The following RFTN2 variants were observed in gnomAD, a reference collection of about 807,000 sequenced individuals.
RFTN2 encodes the protein raftlin-2.
Under a neutral mutation model 52.7 loss-of-function variants are expected in RFTN2, and 34 were observed. The observed-to-expected ratio is 0.64, with a 90% CI of 0.49 to 0.86. RFTN2 has a LOEUF of 0.86. Among genes scored for constraint, RFTN2 ranks in the 40% least tolerant of loss-of-function variants. The pLI is 0.00. For missense variants in RFTN2, 536 were observed against 600.1 expected, an observed-to-expected ratio of 0.89 and a Z score of 1.12; for synonymous variants, 203 against 217.7, an observed-to-expected ratio of 0.93 and a Z score of 0.59.
At chr2:197,627,647 G>C (rs565719672) in intron 5 of RFTN2, among the ~76,000 whole-genome samples, 51 of 152,306 alleles carry the variant, frequency 3.3e-4, no homozygotes, top group African/African-American at 1.2e-3. Context: ...GTAGCCTTAA[G>C]ATGTGGTATC....
chr2:197,655,367 A>C (rs2106261006), intron 1 of RFTN2, among the ~76,000 whole-genome samples: 1 of 152,280 alleles, frequency 6.6e-6, no homozygotes, highest in East Asian at 1.9e-4. Flanking sequence ...TAAAGTAAGG[A>C]TATTGTCTTA....
intron 1 of RFTN2, among the ~76,000 whole-genome samples, chr2:197,663,599 A>G (rs1411411277): frequency 6.6e-6 from 1 of 152,042 alleles, no homozygotes; most frequent in African/African-American, 2.4e-5. Context: ...TCTAGGTTTT[A>G]CGGTTTGTTA....
chr2:197,597,877 G>A (rs1361537049), intron 7 of RFTN2, among the ~76,000 whole-genome samples: 1 of 152,164 alleles, frequency 6.6e-6, no homozygotes, highest in Non-Finnish European at 1.5e-5. Context: ...AAGAGTGCAT[G>A]AAGAGCCTCC....
intron 5 of RFTN2, among the ~76,000 whole-genome samples, chr2:197,627,859 T>C (rs1464737431): frequency 1.3e-5 from 2 of 151,952 alleles, no homozygotes; most frequent in African/African-American, 4.8e-5. Context: ...GAAAACTTTT[T>C]GAACATCTGT....
At chr2:197,667,554 C>A (rs1180921410) in intron 1 of RFTN2, among the ~76,000 whole-genome samples, 1 of 152,160 alleles carries the variant, frequency 6.6e-6, no homozygotes, top group Admixed American at 6.5e-5. Flanking sequence ...TCTGGTGTAA[C>A]AGCCACTTCT....
intron 8 of RFTN2, among the ~76,000 whole-genome samples, chr2:197,594,925 T>C (rs1429717809): frequency 6.6e-6 from 1 of 152,252 alleles, no homozygotes; most frequent in Non-Finnish European, 1.5e-5. Context: ...CTAAACAATG[T>C]TTTCTTTTTT....
chr2:197,604,765 T>C (rs1286012600), intron 7 of RFTN2, among the ~76,000 whole-genome samples: 1 of 151,490 alleles, frequency 6.6e-6, no homozygotes, highest in African/African-American at 2.4e-5. Context: ...TTTATTTATT[T>C]ATTTATTTAT....
At chr2:197,630,814 C>T (rs974232229) in intron 5 of RFTN2, among the ~76,000 whole-genome samples, 197 bp downstream of exon 5, 4 of 152,172 alleles carry the variant, frequency 2.6e-5, no homozygotes, top group African/African-American at 9.7e-5. Context: ...TGCCCACACT[C>T]CTTAAGTGTC....
At position 197,631,214 on chromosome 2, in the gene RFTN2, T is replaced by A; in HGVS notation, c.725A>T (p.Asp242Val). The A allele has an allele frequency of 6.2e-7, 1 of 1,607,992 alleles. No individual in the cohort carries two copies. Among genetic ancestry groups the A allele is most frequent in the African/African-American group, 1.3e-5 (1 of 74,808 alleles). The change falls in exon 5 of 9, where the codon GAT (aspartate) becomes GTT (valine). Residue 242 changes from aspartate (D) to valine (V), a missense_variant. Transcript: ENST00000295049. ...ATTGAAGACTGTATACAATTTGTTA[T>A]CTGAGGCTAGGCATTCAGAAGGAGA... ...SSKSRKGEAS[D>V]NKLYTVFNAF...
intron 1 of RFTN2, among the ~76,000 whole-genome samples, chr2:197,669,277 C>T (rs1225061222): frequency 6.6e-6 from 1 of 152,098 alleles, no homozygotes; most frequent in South Asian, 2.1e-4. Flanking sequence ...GTTTTATTTT[C>T]AGTTTCCAGA....
rs1168838824 is a variant in RFTN2 at position 197,618,061 on chromosome 2, CCCCTCTCCCTCTCCCTCT to C, written c.929-158_929-141del. 7.1e-6 allele frequency: 3 copies of C among 421,336 alleles called. No individual in the cohort carries two copies. The East Asian group carries it at 1.7e-4, about 24-fold the overall frequency. The allele number at this position is 421,336 out of a possible 1,614,324, so 26.1% of individuals were successfully genotyped here. ...AAACATTTGTTGCCCCCTCCCCCTC[CCCCTCTCCCTCTCCCTCT>C]CCCTCTCCCCACGGTCTCCCTCTCC... On this transcript the variant is annotated intron_variant, in intron 5 of 8. Transcript: ENST00000295049.
intron 8 of RFTN2, among the ~76,000 whole-genome samples, chr2:197,589,958 G>A (rs1437102659): frequency 6.6e-6 from 1 of 152,106 alleles, no homozygotes; most frequent in African/African-American, 2.4e-5. Context: ...TCAGGCTGGA[G>A]TACAGTGGCG....
intron 5 of RFTN2, among the ~76,000 whole-genome samples, chr2:197,623,720 G>A (rs1453965168): frequency 2.0e-5 from 3 of 152,164 alleles, no homozygotes; most frequent in South Asian, 2.1e-4. Context: ...AGGCTGGAGT[G>A]CAATGGCATG....
intron 8 of RFTN2, among the ~76,000 whole-genome samples, chr2:197,579,977 C>T (rs1037622969): frequency 6.6e-6 from 1 of 152,106 alleles, no homozygotes; most frequent in Non-Finnish European, 1.5e-5. Flanking sequence ...AAGGTTAATG[C>T]TCCTTTTTCT....
At chr2:197,651,073 G>A (rs893363413) in intron 1 of RFTN2, among the ~76,000 whole-genome samples, 1 of 152,194 alleles carries the variant, frequency 6.6e-6, no homozygotes, top group Non-Finnish European at 1.5e-5. Flanking sequence ...GCCATTTGGA[G>A]AACTGTCTGT....
intron 7 of RFTN2, among the ~76,000 whole-genome samples, chr2:197,611,955 G>T (rs930080511): frequency 6.6e-6 from 1 of 152,164 alleles, no homozygotes; most frequent in Non-Finnish European, 1.5e-5. Context: ...GTTCTAATTT[G>T]ATTGCACTGT....
At chr2:197,629,283 A>G (rs1398625197) in intron 5 of RFTN2, among the ~76,000 whole-genome samples, 2 of 152,184 alleles carry the variant, frequency 1.3e-5, no homozygotes, top group South Asian at 4.1e-4. Context: ...GGATGATTTC[A>G]TGTCCTTTGT....
chr2:197,601,982 A>G lies in RFTN2; in HGVS notation c.1155-5913T>C, dbSNP rs2087888021. On this transcript the variant is annotated intron_variant, in intron 7 of 8. Transcript: ENST00000295049. ...ATGAATTCAGTTTTGTTCAACAGTG[A>G]CTAGTACTAGTTGTAAAAACAAACA... 2.0e-5 allele frequency among the ~76,000 whole-genome samples: 3 copies of G among 152,352 alleles called. 1 individual carries two copies. In the South Asian group the frequency reaches 6.2e-4, roughly 32 times the overall value.
chr2:197,631,768 G>T (rs570693710), intron 4 of RFTN2, among the ~76,000 whole-genome samples: 6 of 152,104 alleles, frequency 3.9e-5, no homozygotes, highest in Non-Finnish European at 8.8e-5. Context: ...AGTGACCCTA[G>T]AACAGACATG....
Sources: gnomAD v4.1 joint callset for allele counts (sites outside exome capture counted in the v4.1 genomes callset) on GRCh38, gnomAD v4.1.1 for gene constraint, MANE v1.5 for transcripts, NCBI Gene and HGNC (gene_info 2026-07-23, HGNC 2026-07-21) for gene names.